Variants in VEZT observed in about 807,000 individuals in gnomAD.
The protein encoded by VEZT is vezatin.
Under a neutral mutation model 79.9 loss-of-function variants are expected in VEZT, and 39 were observed. That is an observed-to-expected ratio of 0.49 (90% CI 0.38 to 0.64). The LOEUF (loss-of-function observed/expected upper bound fraction) is 0.64, where lower values mean the gene tolerates loss of function less well. VEZT is among the 30% of genes least tolerant of loss of function. VEZT has a pLI of 0.00. For missense variants in VEZT, 837 were observed against 893.1 expected (o/e 0.94, Z 0.80); for synonymous variants, 325 against 327.6 (o/e 0.99, Z 0.09).
chr12:95,277,664 C>T (rs2068067366), intron 7 of VEZT, among the ~76,000 whole-genome samples: 1 of 152,000 alleles, frequency 6.6e-6, no homozygotes, highest in Non-Finnish European at 1.5e-5. Flanking sequence ...ATATTTTAGC[C>T]CTGACTGACT....
intron 7 of VEZT, among the ~76,000 whole-genome samples, chr12:95,275,320 G>A (rs779386098): frequency 6.6e-6 from 1 of 152,000 alleles, no homozygotes; most frequent in African/African-American, 2.4e-5. Context: ...TGGGCTGGCC[G>A]GGTGGCTCAC....
intron 2 of VEZT, among the ~76,000 whole-genome samples, chr12:95,252,796 C>G (rs2062825080): frequency 6.6e-6 from 1 of 152,142 alleles, no homozygotes; most frequent in Admixed American, 6.5e-5. Flanking sequence ...GAAACCCTGT[C>G]TCTACTAAAA....
intron 8 of VEZT, among the ~76,000 whole-genome samples, chr12:95,286,999 G>A (rs1392844799): frequency 6.6e-6 from 1 of 151,080 alleles, no homozygotes; most frequent in African/African-American, 2.4e-5. Flanking sequence ...GGGTGGGGTG[G>A]GGTAGGGAGG....
chr12:95,250,050 T>A (rs2062290219), intron 1 of VEZT, among the ~76,000 whole-genome samples: 1 of 141,880 alleles, frequency 7.0e-6, no homozygotes, highest in Admixed American at 7.1e-5. Flanking sequence ...CTCTAAAACC[T>A]AATTATAGTC....
At chr12:95,271,289 C>T (rs1197543841) in intron 6 of VEZT, among the ~76,000 whole-genome samples, 2 of 152,046 alleles carry the variant, frequency 1.3e-5, no homozygotes, top group African/African-American at 4.8e-5. Context: ...GCCTAAATGC[C>T]GGTCTGCTAT....
chr12:95,234,687 T>A (rs1188023735), intron 1 of VEZT, among the ~76,000 whole-genome samples: 5 of 152,000 alleles, frequency 3.3e-5, no homozygotes, highest in East Asian at 3.9e-4. Context: ...TTATTTATTT[T>A]TTAATTGATC....
chr12:95,223,879 T>C (rs566162968), intron 1 of VEZT, among the ~76,000 whole-genome samples: 1 of 152,362 alleles, frequency 6.6e-6, no homozygotes, highest in South Asian at 2.1e-4. Flanking sequence ...TTTATTTTGC[T>C]ATTTTTGTTC....
At chr12:95,220,352 G>A (rs2057380520) in intron 1 of VEZT, among the ~76,000 whole-genome samples, 2 of 152,196 alleles carry the variant, frequency 1.3e-5, no homozygotes, top group Non-Finnish European at 2.9e-5. Context: ...CTACTCGGGA[G>A]GCTGAGGTGG....
At chr12:95,252,670 TAA>T (rs2062794796) in intron 2 of VEZT, among the ~76,000 whole-genome samples, 1 of 152,178 alleles carries the variant, frequency 6.6e-6, no homozygotes, top group East Asian at 1.9e-4. Flanking sequence ...TTTACTAAAA[TAA>T]GAAATTTATG....
chr12:95,288,017 C>A (rs935836053), intron 9 of VEZT, among the ~76,000 whole-genome samples, 160 bp downstream of exon 9: 5 of 151,984 alleles, frequency 3.3e-5, no homozygotes, highest in Non-Finnish European at 7.4e-5. Context: ...CAAAGTGACA[C>A]TGAATACAAT....
intron 9 of VEZT, among the ~76,000 whole-genome samples, chr12:95,291,090 C>T (rs1483258411): frequency 2.0e-5 from 3 of 151,940 alleles, no homozygotes; most frequent in African/African-American, 7.3e-5. Flanking sequence ...TATGGCAAAA[C>T]CCCATCTCTA....
intron 1 of VEZT, among the ~76,000 whole-genome samples, chr12:95,251,464 G>A (rs1032284715): frequency 2.2e-4 from 34 of 152,152 alleles, no homozygotes; most frequent in East Asian, 1.9e-4. Context: ...TAGATAATAC[G>A]TATTTGTGCT....
In VEZT at chr12:95,230,398, T is replaced by G. The variant is rs543807776; in HGVS notation, c.36+12512T>G. 2.9e-4 allele frequency among the ~76,000 whole-genome samples: 43 copies of G among 147,512 alleles called. No homozygotes were observed. In the South Asian group the frequency reaches 7.3e-3, roughly 25 times the overall value. ...CATTAAGATCTTTATTAAAATGGATTTTTTTTTCTTTTTTCTTTTTCTTTC... is the reference window on the plus strand; with the variant it reads ...CATTAAGATCTTTATTAAAATGGATGTTTTTTTCTTTTTTCTTTTTCTTTC... On this transcript the variant is annotated intron_variant, in intron 1 of 11. Coordinates refer to ENST00000436874, the MANE Select transcript of VEZT (RefSeq NM_017599.4).
chr12:95,256,345 C>T (rs1030514339), intron 2 of VEZT, among the ~76,000 whole-genome samples: 1 of 152,204 alleles, frequency 6.6e-6, no homozygotes, highest in African/African-American at 2.4e-5. Context: ...GCCACCGTGC[C>T]CAACTCGTTC....
chr12:95,229,726 T>TCATG (rs1384854151), intron 1 of VEZT, among the ~76,000 whole-genome samples: 1 of 152,144 alleles, frequency 6.6e-6, no homozygotes, highest in Non-Finnish European at 1.5e-5. Flanking sequence ...TAGAAGCAAA[T>TCATG]CATGCCTTAA....
chr12:95,257,220 A>G lies in VEZT; in HGVS notation c.239A>G (p.Asp80Gly), dbSNP rs747283088. ...WIFFSQCNKK[D>G]DLLHKLDIGF... is the part of the protein sequence containing the mutation. ...TTTTTTTCTCAGTGCAATAAGAAAG[A>G]TGACTTACTTCACAAGTTGGTAAGT... The change falls in exon 3 of 12, where the codon GAT becomes GGT. Residue 80 changes from aspartate to glycine, a missense_variant. Coordinates refer to ENST00000436874, the MANE Select transcript of VEZT (RefSeq NM_017599.4). The G allele has an allele frequency of 1.2e-6, 2 of 1,609,856 alleles. No individual in the cohort carries two copies. The highest frequency in any genetic ancestry group is 1.7e-6 in the Non-Finnish European group (2 of 1,178,052).
chr12:95,284,346 C>G (rs189282706), intron 8 of VEZT, among the ~76,000 whole-genome samples: 3 of 152,256 alleles, frequency 2.0e-5, no homozygotes, highest in African/African-American at 7.2e-5. Context: ...TCCTCTCCCC[C>G]TTGTGTTCTT....
chr12:95,286,722 C>A (rs1480211022), intron 8 of VEZT: 6 of 404,198 alleles, frequency 1.5e-5, no homozygotes, highest in African/African-American at 1.1e-4. Flanking sequence ...CCATTCCCTG[C>A]GTGTCTATCT....
At chr12:95,224,659 C>T (rs897397767) in intron 1 of VEZT, among the ~76,000 whole-genome samples, 2 of 152,158 alleles carry the variant, frequency 1.3e-5, no homozygotes, top group African/African-American at 2.4e-5. Flanking sequence ...GAGCTGAAAG[C>T]TTGTAAGGCA....
Sources: allele counts gnomAD v4.1 joint callset (sites outside exome capture counted in the v4.1 genomes callset), GRCh38; gene constraint gnomAD v4.1.1; transcripts MANE v1.5; gene names NCBI Gene and HGNC (gene_info 2026-07-23, HGNC 2026-07-21).